RARB: variants seen among roughly 807,000 people sequenced by gnomAD.
RARB encodes retinoic acid receptor beta, also known as HBV-activated protein.
RARB carries 17 observed loss-of-function variants against 51.9 expected under a neutral mutation model. That is an observed-to-expected ratio of 0.33 (90% CI 0.22 to 0.49). RARB has a LOEUF of 0.49. Ranked by LOEUF, RARB falls within the 20% of genes least tolerant of loss-of-function variation. The pLI is 0.99. For missense variants in RARB, 369 were observed against 550.8 expected (o/e 0.67, Z 3.30); for synonymous variants, 215 against 195.4 (o/e 1.10, Z -0.84).
chr3:25,092,954 A>G (rs1465211880), intron 3 of RARB, among the ~76,000 whole-genome samples: 2 of 152,162 alleles, frequency 1.3e-5, no homozygotes, highest in African/African-American at 2.4e-5. Context: ...AGGTATAGTG[A>G]AAAAGGGGAA....
At chr3:24,976,748 G>A (rs1213433410) in intron 2 of RARB, among the ~76,000 whole-genome samples, 2 of 152,166 alleles carry the variant, frequency 1.3e-5, no homozygotes, top group African/African-American at 4.8e-5. Context: ...TTGCTGTGCA[G>A]AAGCTCTTTA....
At chr3:25,141,903 C>A (rs1575179239) in intron 4 of RARB, among the ~76,000 whole-genome samples, 2 of 152,240 alleles carry the variant, frequency 1.3e-5, no homozygotes, top group South Asian at 4.1e-4. Context: ...TGACCAATTT[C>A]TCGGTTATAA....
intron 3 of RARB, among the ~76,000 whole-genome samples, chr3:25,120,106 G>C (rs1446541809): frequency 1.3e-5 from 2 of 152,132 alleles, no homozygotes; most frequent in African/African-American, 4.8e-5. Context: ...TGCAAGGAAA[G>C]TGAAGGACTT....
At position 24,859,594 on chromosome 3, in the gene RARB, A is replaced by T. The variant is rs574917897; in HGVS notation, c.-380+842A>T. Among the ~76,000 whole-genome samples, 13 of 152,332 alleles carry T rather than the reference A, an allele frequency of 8.5e-5. No homozygotes were observed. The South Asian group carries it at 2.7e-3, about 32-fold the overall frequency. The stretch of plus-strand genomic sequence containing the variant: ...TATGTTTCACAAAATCCCAGACTCA[A>T]CCAATATAATCAGTATGCTTTGCTT... On this transcript the variant is annotated intron_variant, in intron 2 of 11. Coordinates refer to the RARB transcript ENST00000383772.
chr3:25,263,288 A>G (rs915878894), intron 5 of RARB, among the ~76,000 whole-genome samples: 1 of 152,152 alleles, frequency 6.6e-6, no homozygotes, highest in Non-Finnish European at 1.5e-5. Flanking sequence ...AGTCTTTACA[A>G]CAGTCTTCTG....
At chr3:25,394,897 C>G (rs1224966419) in intron 5 of RARB, among the ~76,000 whole-genome samples, 1 of 152,144 alleles carries the variant, frequency 6.6e-6, no homozygotes, top group African/African-American at 2.4e-5. Flanking sequence ...GCCATTTACA[C>G]TCAACATTAG....
intron 3 of RARB, among the ~76,000 whole-genome samples, chr3:25,102,532 T>G (rs1303571717): frequency 6.6e-6 from 1 of 151,430 alleles, no homozygotes; most frequent in Non-Finnish European, 1.5e-5. Context: ...AGAATAAGAC[T>G]CTGTCTCAAA....
At chr3:25,285,493 G>C (rs1404762234) in intron 5 of RARB, among the ~76,000 whole-genome samples, 7 of 152,166 alleles carry the variant, frequency 4.6e-5, no homozygotes, top group Admixed American at 6.5e-5. Flanking sequence ...ACTTCAGAAA[G>C]GTAACTTTGG....
intron 5 of RARB, among the ~76,000 whole-genome samples, chr3:25,308,447 T>C (rs1196113617): frequency 7.6e-6 from 1 of 130,850 alleles, no homozygotes; most frequent in Non-Finnish European, 1.6e-5. Context: ...TTTCTTTCTT[T>C]CTTTTTTTTT....
intron 5 of RARB, among the ~76,000 whole-genome samples, chr3:25,262,302 C>A (rs991596368): frequency 6.6e-6 from 1 of 152,094 alleles, no homozygotes; most frequent in Non-Finnish European, 1.5e-5. Context: ...CCAGAAGATG[C>A]GCTCCTCCCC....
At chr3:25,444,422 T>C (rs1216369511) in intron 1 of RARB, among the ~76,000 whole-genome samples, 1 of 152,226 alleles carries the variant, frequency 6.6e-6, no homozygotes, top group Non-Finnish European at 1.5e-5. Flanking sequence ...TTTAACAAAA[T>C]GGGCAGTTCT....
At chr3:25,419,276 G>A (rs1257393650) in intron 5 of RARB, among the ~76,000 whole-genome samples, 1 of 152,096 alleles carries the variant, frequency 6.6e-6, no homozygotes, top group Non-Finnish European at 1.5e-5. Flanking sequence ...AGGGCAAGGG[G>A]AAACTCAGAG....
At chr3:24,909,891 GTC>G (rs1694950938) in intron 2 of RARB, among the ~76,000 whole-genome samples, 1 of 151,974 alleles carries the variant, frequency 6.6e-6, no homozygotes, top group South Asian at 2.1e-4. Flanking sequence ...CAAGTAACAT[GTC>G]TCTGTGTGTG....
At chr3:25,410,466 T>C (rs1707532197) in intron 5 of RARB, among the ~76,000 whole-genome samples, 1 of 152,242 alleles carries the variant, frequency 6.6e-6, no homozygotes, top group Non-Finnish European at 1.5e-5. Flanking sequence ...AAGAATTATT[T>C]CATTCTTGTA....
chr3:25,356,024 C>T (rs1705723474), intron 5 of RARB, among the ~76,000 whole-genome samples: 1 of 151,934 alleles, frequency 6.6e-6, no homozygotes, highest in African/African-American at 2.4e-5. Context: ...TTTAAAAATT[C>T]TCTATTTGCA....
chr3:25,072,863 C>G (rs1035374203), intron 3 of RARB, among the ~76,000 whole-genome samples: 1 of 152,032 alleles, frequency 6.6e-6, no homozygotes, highest in Non-Finnish European at 1.5e-5. Flanking sequence ...CACCCGCCAC[C>G]ACGCCGGGCT....
intron 5 of RARB, among the ~76,000 whole-genome samples, chr3:25,331,155 C>T (rs1419818538): frequency 3.9e-5 from 6 of 152,202 alleles, no homozygotes; most frequent in Non-Finnish European, 5.9e-5. Flanking sequence ...GAATTGAATT[C>T]AGCTCTGCAC....
At chr3:25,460,205 C>G (rs1695106408) in intron 1 of RARB, among the ~76,000 whole-genome samples, 1 of 152,112 alleles carries the variant, frequency 6.6e-6, no homozygotes, top group South Asian at 2.1e-4. Context: ...GATTCAGATT[C>G]CACAGGCCTG....
At chr3:25,248,304 A>T (rs1702618949) in intron 5 of RARB, among the ~76,000 whole-genome samples, 1 of 152,184 alleles carries the variant, frequency 6.6e-6, no homozygotes, top group Non-Finnish European at 1.5e-5. Flanking sequence ...TAGGTGGATC[A>T]TGTTTTTAAA....
Sources: gnomAD v4.1 joint callset for allele counts (sites outside exome capture counted in the v4.1 genomes callset) on GRCh38, gnomAD v4.1.1 for gene constraint, MANE v1.5 for transcripts, NCBI Gene and HGNC (gene_info 2026-07-23, HGNC 2026-07-21) for gene names.